PLA2R1: variants seen among roughly 807,000 people sequenced by gnomAD.
PLA2R1 encodes phospholipase A2 receptor 1.
Under a neutral mutation model 195.9 loss-of-function variants are expected in PLA2R1, and 158 were observed. The ratio of observed to expected loss-of-function variants is 0.81; its 90% CI spans 0.71 to 0.92. The LOEUF (loss-of-function observed/expected upper bound fraction) is 0.92. PLA2R1 is among the 40% of genes least tolerant of loss of function. The pLI, the probability that PLA2R1 is intolerant of heterozygous loss-of-function variation, is 0.00. For missense variants in PLA2R1, 1,626 were observed against 1,764.6 expected (o/e 0.92, Z 1.41); for synonymous variants, 586 against 598.2 (o/e 0.98, Z 0.30).
At chr2:160,054,564 C>G (rs574092077) in intron 1 of PLA2R1, among the ~76,000 whole-genome samples, 9 of 152,316 alleles carry the variant, frequency 5.9e-5, no homozygotes, top group Admixed American at 2.6e-4. Flanking sequence ...TTCTTTGGAA[C>G]TGTAGTTGTC....
In PLA2R1 at chr2:159,934,362, C is replaced by T. The variant is rs773738243; in HGVS notation, c.*7416G>A. 1 of 152,358 alleles carries T rather than the reference C, an allele frequency of 6.6e-6. No homozygotes were observed. Among genetic ancestry groups the T allele is most frequent in the African/African-American group, 2.4e-5 (1 of 41,568 alleles). 9.4% of individuals were successfully genotyped at this position (152,358 alleles called of 1,614,324 possible). On this transcript the variant is annotated 3_prime_UTR_variant, in exon 30 of 30. Coordinates refer to ENST00000283243, the MANE Select transcript of PLA2R1 (RefSeq NM_007366.5). ...GAAGTGAGCATGGCCTGCAGCAAGACGTGTCTGGCTCCTAATCCTACAGCG... is the reference window on the plus strand; with the variant it reads ...GAAGTGAGCATGGCCTGCAGCAAGATGTGTCTGGCTCCTAATCCTACAGCG...
At chr2:160,021,080 AC>A (rs1166671419) in intron 7 of PLA2R1, among the ~76,000 whole-genome samples, 1 of 152,176 alleles carries the variant, frequency 6.6e-6, no homozygotes, top group Admixed American at 6.5e-5. Flanking sequence ...AAACAAACAA[AC>A]TTTTAATGAT....
At chr2:159,970,047 T>C in intron 18 of PLA2R1, 101 bp downstream of exon 18, 1 of 732,506 alleles carries the variant, frequency 1.4e-6, no homozygotes, top group South Asian at 1.7e-5. Context: ...AAGTTAATGT[T>C]TGAAGGGTAT....
chr2:160,004,395 C>T (rs895690450), intron 11 of PLA2R1, among the ~76,000 whole-genome samples: 3 of 152,138 alleles, frequency 2.0e-5, no homozygotes, highest in Admixed American at 6.5e-5. Context: ...ATTAGCAAAC[C>T]ACCTTGGACT....
At chr2:160,042,906 G>A (rs1364894671) in intron 2 of PLA2R1, among the ~76,000 whole-genome samples, 6 of 151,498 alleles carry the variant, frequency 4.0e-5, no homozygotes. Context: ...AGATGGGGTG[G>A]AGGGGCACAG....
At position 159,934,434 on chromosome 2, in the gene PLA2R1, T is replaced by A. The variant is rs943564955; in HGVS notation, c.*7344A>T. On this transcript the variant is annotated 3_prime_UTR_variant, in exon 30 of 30. Coordinates refer to ENST00000283243, the MANE Select transcript of PLA2R1 (RefSeq NM_007366.5). ...GAGACACACAGGGTTTTGCCCTGCT[T>A]CTCATCTGAGACATGAGAGAAAAAA... is the stretch of plus-strand genomic sequence containing the variant. The A allele has an allele frequency of 6.6e-6, 1 of 152,182 alleles. No homozygotes were observed. Among genetic ancestry groups the A allele is most frequent in the African/African-American group, 2.4e-5 (1 of 41,426 alleles). 9.4% of individuals were successfully genotyped at this position (152,182 alleles called of 1,614,324 possible). A position where few individuals can be genotyped will look rare whatever the true frequency, so the allele number is the denominator to read the frequency against.
intron 4 of PLA2R1, among the ~76,000 whole-genome samples, chr2:160,032,520 T>C (rs1162913034): frequency 6.6e-6 from 1 of 152,234 alleles, no homozygotes; most frequent in Non-Finnish European, 1.5e-5. Context: ...TTTTAAGGTT[T>C]TGTTTTTGGG....
chr2:159,955,123 C>A, intron 23 of PLA2R1, 76 bp downstream of exon 23: 1 of 1,104,984 alleles, frequency 9.0e-7, no homozygotes. Context: ...ATTAGCTACA[C>A]AGCTGTGTAA....
chr2:160,015,387 C>T (rs1335541419), intron 9 of PLA2R1, among the ~76,000 whole-genome samples: 1 of 152,176 alleles, frequency 6.6e-6, no homozygotes, highest in Non-Finnish European at 1.5e-5. Flanking sequence ...TATTCATAGA[C>T]TGATGCATAA....
rs892000930 is a variant in PLA2R1 at position 160,045,260 on chromosome 2, C to T, written c.110-103G>A. ...TCTAAGTGCGATATGCGACAGTTGC[C>T]AGCCATTTCCCACAGATCTGGAGTT... is the stretch of plus-strand genomic sequence containing the variant. On this transcript the variant is annotated intron_variant, in intron 1 of 29. Coordinates refer to ENST00000283243, the MANE Select transcript of PLA2R1 (RefSeq NM_007366.5). 5.9e-6 allele frequency: 5 copies of T among 848,306 alleles called. No individual in the cohort carries two copies. The African/African-American group carries it at 6.8e-5, about 12-fold the overall frequency. 52.5% of individuals were successfully genotyped at this position (848,306 alleles called of 1,614,324 possible).
chr2:159,977,285 T>G lies in PLA2R1; in HGVS notation c.2400A>C (p.Arg800Ser), dbSNP rs757197553. The change falls in exon 15 of 30, where the codon AGA becomes AGC. Residue 800 changes from arginine to serine, a missense_variant and splice_region_variant. Transcript: ENST00000283243. ...SKREWICKIP[R>S]DVKPKIPFWY... ...CAAAGATCTTACTACTATTTTTACC[T>G]CTTGGGATTTTGCATATCCATTCAC... 1 of 1,609,576 alleles carries G rather than the reference T, an allele frequency of 6.2e-7. No individual in the cohort carries two copies. The highest frequency in any genetic ancestry group is 8.5e-7 in the Non-Finnish European group (1 of 1,176,398).
At chr2:160,051,194 G>A (rs1695190862) in intron 1 of PLA2R1, among the ~76,000 whole-genome samples, 3 of 152,198 alleles carry the variant, frequency 2.0e-5, no homozygotes, top group African/African-American at 7.2e-5. Flanking sequence ...TACACATAAA[G>A]TCAGTCTCTG....
rs1033403982 is a variant in PLA2R1 at position 159,990,280 on chromosome 2, T to C, written c.1835-2922A>G. On this transcript the variant is annotated intron_variant, in intron 11 of 29. Transcript: ENST00000283243. ...AAAAATGATTATTCTCAGAGGTGAA[T>C]CTCACATTTTAACAGATTCTCCTTA... 7.2e-5 allele frequency among the ~76,000 whole-genome samples: 11 copies of C among 152,174 alleles called. No individual in the cohort carries two copies. In the East Asian group the frequency reaches 2.1e-3, roughly 29 times the overall value.
At chr2:159,968,420 T>C (rs1019667866) in intron 19 of PLA2R1, among the ~76,000 whole-genome samples, 13 of 152,190 alleles carry the variant, frequency 8.5e-5, no homozygotes, top group African/African-American at 2.9e-4. Flanking sequence ...AGGGCTGGAA[T>C]GCTATTTTCA....
chr2:160,022,729 GT>G lies in PLA2R1; in HGVS notation c.1229del (p.Asn410ThrfsTer4), dbSNP rs771195853. The G allele has an allele frequency of 3.7e-6, 6 of 1,613,698 alleles. No individual in the cohort carries two copies. Among genetic ancestry groups the G allele is most frequent in the Middle Eastern group, 3.3e-4 (2 of 6,058 alleles). Reference sequence around the variant, plus strand: ...ATGAGGTTATGTCTATTAATGCACTGTTATCAGCCTGACAAGAACGCAGAGC... The same window carrying G: ...ATGAGGTTATGTCTATTAATGCACTGTATCAGCCTGACAAGAACGCAGAGC... Reference protein sequence around the residue: ...HEALRSCQADNSALIDITSLA... With the variant: ...HEALRSCQADXSALIDITSLA... On this transcript the variant is annotated frameshift_variant, in exon 7 of 30. Transcript: ENST00000283243. LOFTEE classifies it high-confidence loss of function.
At chr2:160,019,811 G>A (rs1692987970) in intron 8 of PLA2R1, among the ~76,000 whole-genome samples, 1 of 151,464 alleles carries the variant, frequency 6.6e-6, no homozygotes, top group Non-Finnish European at 1.5e-5. Flanking sequence ...CTCTCTGAGA[G>A]TTTTTTTTTA....
intron 18 of PLA2R1, among the ~76,000 whole-genome samples, chr2:159,969,744 T>C (rs1689028787): frequency 6.6e-6 from 1 of 152,174 alleles, no homozygotes; most frequent in South Asian, 2.1e-4. Flanking sequence ...AGTTTCTCCA[T>C]GTTGGCCAGG....
At position 160,007,952 on chromosome 2, in the gene PLA2R1, C is replaced by T. The variant is rs867271748; in HGVS notation, c.1665-2131G>A. Among the ~76,000 whole-genome samples the T allele has an allele frequency of 2.0e-4, 31 of 152,192 alleles. 1 individual carries two copies. The highest frequency in any genetic ancestry group is 6.7e-4 in the African/African-American group (28 of 41,516). On this transcript the variant is annotated intron_variant, in intron 10 of 29. Transcript: ENST00000283243. Reference sequence around the variant, plus strand: ...AGCCAATATAATCGTGAAAAGAAACCAAGTTAGAGGTCTGACACTTTTTGA... The same window carrying T: ...AGCCAATATAATCGTGAAAAGAAACTAAGTTAGAGGTCTGACACTTTTTGA...
intron 17 of PLA2R1, among the ~76,000 whole-genome samples, chr2:159,970,471 C>T (rs946201711): frequency 2.6e-5 from 4 of 152,140 alleles, no homozygotes; most frequent in Non-Finnish European, 4.4e-5. Context: ...ATGTTTCTAA[C>T]TCTCTAAGAA....
Sources: gnomAD v4.1 joint callset for allele counts (sites outside exome capture counted in the v4.1 genomes callset) on GRCh38, gnomAD v4.1.1 for gene constraint, MANE v1.5 for transcripts, NCBI Gene and HGNC (gene_info 2026-07-23, HGNC 2026-07-21) for gene names.